SORL1-AS1: variants seen among roughly 807,000 people sequenced by gnomAD.
The protein encoded by SORL1-AS1 is SORL1 antisense RNA 1.
chr11:121,441,530 C>CAAAAAAAAAAAAAAAAAAAAAAAA, the SORL1-AS1 span, among the ~76,000 whole-genome samples: 78 of 52,334 alleles, frequency 1.5e-3, 1 homozygote, highest in African/African-American at 1.9e-3. Flanking sequence ...GACTCTGTCT[C>CAAAAAAAAAAAAAAAAAAAAAAAA]AAAAAAAAAA....
downstream of SORL1-AS1, among the ~76,000 whole-genome samples, chr11:121,446,242 C>A (rs1209746930): frequency 6.6e-6 from 1 of 152,112 alleles, no homozygotes; most frequent in African/African-American, 2.4e-5. Context: ...AGATAAGTAC[C>A]AAAATCGTTG....
At position 121,452,269 on chromosome 11, in the gene SORL1-AS1, C is replaced by G. The variant is rs1261577570; in HGVS notation, n.339+406G>C. 1 of 1,348,292 alleles carries G rather than the reference C, an allele frequency of 7.4e-7. No homozygotes were observed. Among genetic ancestry groups the G allele is most frequent in the African/African-American group, 1.5e-5 (1 of 65,214 alleles). The allele number at this position is 1,348,292 out of a possible 1,614,324, so 83.5% of individuals were successfully genotyped here. ...GCGCGGTCCCGGCCCAGCGGCTCTC[C>G]TGGCCTCGCGCTGCACATTCTCTCC... On this transcript the variant is annotated intron_variant and non_coding_transcript_variant, in intron 1 of 1. Transcript: ENST00000501964. This position sits in a 1 kb window ranked among gnomAD's most constrained non-coding sequence, Gnocchi z 5.3.
downstream of SORL1-AS1, among the ~76,000 whole-genome samples, chr11:121,444,779 T>G (rs1159013977): frequency 1.3e-5 from 2 of 152,224 alleles, no homozygotes; most frequent in Non-Finnish European, 2.9e-5. Flanking sequence ...TTCCATGGCG[T>G]CATTATCACA....
At chr11:121,441,614 C>T in the SORL1-AS1 span, among the ~76,000 whole-genome samples, 1 of 151,386 alleles carries the variant, frequency 6.6e-6, no homozygotes, top group Non-Finnish European at 1.5e-5. Flanking sequence ...TAAGTTCTGG[C>T]AAATGGGATG....
At position 121,450,531 on chromosome 11, in the gene SORL1-AS1, T is replaced by C. The variant is rs1284486301; in HGVS notation, n.340-632A>G. On this transcript the variant is annotated intron_variant and non_coding_transcript_variant, in intron 1 of 1. Transcript: ENST00000501964. The surrounding 1 kb of genome is among the most constrained non-coding windows in gnomAD (Gnocchi z 5.2). Reference sequence around the variant, plus strand: ...GAATTGCACAATATGAGCAAGGCGTTCCTCTCAGCTTCAAAACCAGCTCTG... The same window carrying C: ...GAATTGCACAATATGAGCAAGGCGTCCCTCTCAGCTTCAAAACCAGCTCTG... Among the ~76,000 whole-genome samples the C allele has an allele frequency of 2.6e-5, 4 of 152,132 alleles. No homozygotes were observed. Among genetic ancestry groups the C allele is most frequent in the Non-Finnish European group, 5.9e-5 (4 of 68,026 alleles).
the SORL1-AS1 span, among the ~76,000 whole-genome samples, chr11:121,439,329 A>G: frequency 6.6e-6 from 1 of 151,816 alleles, no homozygotes; most frequent in Non-Finnish European, 1.5e-5. Flanking sequence ...ACGACCAACA[A>G]CGCTGAGCAT....
downstream of SORL1-AS1, among the ~76,000 whole-genome samples, chr11:121,447,114 G>A (rs756562087): frequency 1.3e-5 from 2 of 152,160 alleles, no homozygotes; most frequent in African/African-American, 2.4e-5. Context: ...TAATTTCCTA[G>A]GGACCCTCAG....
rs966905658 is a variant in SORL1-AS1 at position 121,452,174 on chromosome 11, C to A, written n.339+501G>T. On this transcript the variant is annotated intron_variant and non_coding_transcript_variant, in intron 1 of 1. Coordinates refer to ENST00000501964, the Ensembl canonical transcript of SORL1-AS1. The surrounding 1 kb of genome is among the most constrained non-coding windows in gnomAD (Gnocchi z 5.3). ...CCGCGCCGAACCGAGCGGGACCTGG[C>A]GGCAGCGGCGGCGGGCGCAGCGGGG... 55 of 217,928 alleles carry A rather than the reference C, an allele frequency of 2.5e-4. No homozygotes were observed. Among genetic ancestry groups the A allele is most frequent in the African/African-American group, 1.3e-3 (53 of 42,390 alleles). 13.5% of individuals were successfully genotyped at this position (217,928 alleles called of 1,614,324 possible). A position where few individuals can be genotyped will look rare whatever the true frequency, so the allele number is the denominator to read the frequency against.
the SORL1-AS1 span, among the ~76,000 whole-genome samples, chr11:121,438,820 G>A: frequency 6.6e-6 from 1 of 152,232 alleles, no homozygotes; most frequent in Non-Finnish European, 1.5e-5. Context: ...AAGGTCAGGA[G>A]TTCGAGAGCA....
rs2134756797 is a variant in SORL1-AS1 at position 121,452,516 on chromosome 11, C to T, written n.339+159G>A. Reference sequence around the variant, plus strand: ...GACCCGCGCGAGCTGCGGCTGTGGGCGCGCGGGGATGCCAGGGGGGCGAGC... The same window carrying T: ...GACCCGCGCGAGCTGCGGCTGTGGGTGCGCGGGGATGCCAGGGGGGCGAGC... On this transcript the variant is annotated intron_variant and non_coding_transcript_variant, in intron 1 of 1. Coordinates refer to ENST00000501964, the Ensembl canonical transcript of SORL1-AS1. The surrounding 1 kb of genome is among the most constrained non-coding windows in gnomAD (Gnocchi z 5.3). 6.8e-7 allele frequency: 1 copy of T among 1,478,350 alleles called. No individual in the cohort carries two copies. The highest frequency in any genetic ancestry group is 8.9e-7 in the Non-Finnish European group (1 of 1,119,276). 91.6% of individuals were successfully genotyped at this position (1,478,350 alleles called of 1,614,324 possible).
rs941492131 is a variant in SORL1-AS1, at chr11:121,450,995, A to T, written n.340-1096T>A. Among the ~76,000 whole-genome samples the T allele has an allele frequency of 1.3e-5, 2 of 152,056 alleles. No homozygotes were observed. The highest frequency in any genetic ancestry group is 2.9e-5 in the Non-Finnish European group (2 of 68,000). On this transcript the variant is annotated intron_variant and non_coding_transcript_variant, in intron 1 of 1. Coordinates refer to ENST00000501964, the Ensembl canonical transcript of SORL1-AS1. This position sits in a 1 kb window ranked among gnomAD's most constrained non-coding sequence, Gnocchi z 5.2. ...TGCTAAGCTACCTGAAAAGTACTAG[A>T]GTGGGCCGGGGTAGGAATCGGGCTA... is the stretch of plus-strand genomic sequence containing the variant.
rs372705427 is a variant in SORL1-AS1, at chr11:121,452,558, C to G, written n.339+117G>C. On this transcript the variant is annotated intron_variant and non_coding_transcript_variant, in intron 1 of 1. Coordinates refer to ENST00000501964, the Ensembl canonical transcript of SORL1-AS1. The surrounding 1 kb of genome is among the most constrained non-coding windows in gnomAD (Gnocchi z 5.3). ...GGGGCGAGCCGCGCGGACGAGAAGCCGCTCCGGAGGAAACGGAGCGCTGCC... is the reference window on the plus strand; with the variant it reads ...GGGGCGAGCCGCGCGGACGAGAAGCGGCTCCGGAGGAAACGGAGCGCTGCC... 1 of 1,511,240 alleles carries G rather than the reference C, an allele frequency of 6.6e-7. No individual in the cohort carries two copies. The highest frequency in any genetic ancestry group is 8.8e-7 in the Non-Finnish European group (1 of 1,136,800). 93.6% of individuals were successfully genotyped at this position (1,511,240 alleles called of 1,614,324 possible).
intron 1 of SORL1-AS1, among the ~76,000 whole-genome samples, chr11:121,451,073 C>G (rs1456766733): frequency 2.0e-5 from 3 of 152,186 alleles, no homozygotes; most frequent in African/African-American, 7.2e-5. Context: ...CTGACCATCC[C>G]TTCCTTCCCC....
chr11:121,451,526 C>T (rs1591539010), intron 1 of SORL1-AS1, among the ~76,000 whole-genome samples: 1 of 152,212 alleles, frequency 6.6e-6, no homozygotes, highest in Admixed American at 6.5e-5. Context: ...GGTATTCATG[C>T]GTGCGTGCAA....
At chr11:121,444,874 A>C (rs927506393), downstream of SORL1-AS1, among the ~76,000 whole-genome samples, 1 of 152,212 alleles carries the variant, frequency 6.6e-6, no homozygotes, top group Non-Finnish European at 1.5e-5. Flanking sequence ...TTTCAAAGAA[A>C]ATTCATACAC....
chr11:121,438,547 T>C, the SORL1-AS1 span, among the ~76,000 whole-genome samples: 1 of 152,106 alleles, frequency 6.6e-6, no homozygotes. Context: ...TCGTTCATTG[T>C]GTGTACTCTT....
downstream of SORL1-AS1, among the ~76,000 whole-genome samples, chr11:121,443,924 T>G (rs1860693139): frequency 6.6e-6 from 1 of 152,164 alleles, no homozygotes; most frequent in African/African-American, 2.4e-5. Flanking sequence ...GGGAAACTGT[T>G]CCCTGATTTG....
At chr11:121,446,646 G>A (rs915717443), downstream of SORL1-AS1, among the ~76,000 whole-genome samples, 2 of 152,044 alleles carry the variant, frequency 1.3e-5, no homozygotes, top group Admixed American at 1.3e-4. Flanking sequence ...AGCTACTCGG[G>A]AGGCTGAGGC....
At chr11:121,439,151 C>T in the SORL1-AS1 span, among the ~76,000 whole-genome samples, 1 of 152,128 alleles carries the variant, frequency 6.6e-6, no homozygotes, top group East Asian at 1.9e-4. Flanking sequence ...TGAGAAAATG[C>T]CAGTTTTCCA....
Sources: allele counts gnomAD v4.1 joint callset (sites outside exome capture counted in the v4.1 genomes callset), GRCh38; gene constraint gnomAD v4.1.1; non-coding constraint Gnocchi (gnomAD v3.1); transcripts MANE v1.5; gene names NCBI Gene and HGNC (gene_info 2026-07-23, HGNC 2026-07-21).